Variants in WDR18 observed in about 807,000 individuals in gnomAD.
WDR18 encodes the protein WD repeat-containing protein 18.
Under a neutral mutation model 49.6 loss-of-function variants are expected in WDR18, and 33 were observed. The observed-to-expected ratio is 0.67, with a 90% CI of 0.50 to 0.89. The LOEUF is 0.89. Ranked by LOEUF, WDR18 falls within the 40% of genes least tolerant of loss-of-function variation. WDR18 has a pLI of 0.00. For synonymous variants in WDR18, 315 were observed against 263.6 expected (o/e 1.19, Z -1.89); for missense variants, 653 against 593.6 (o/e 1.10, Z -1.04).
chr19:988,788 CCG>C (rs1231523381), intron 2 of WDR18, among the ~76,000 whole-genome samples: 12 of 152,264 alleles, frequency 7.9e-5, no homozygotes, highest in Non-Finnish European at 1.5e-4. Flanking sequence ...GCCACCACTG[CCG>C]CGTGGAGCCC....
At position 987,829 on chromosome 19, in the gene WDR18, G is replaced by GTTTTGTTT. The variant is rs1340731704; in HGVS notation, c.321+1858_321+1859insGTTTTTTT. On this transcript the variant is annotated intron_variant, in intron 2 of 9. Transcript: ENST00000585809. Reference sequence around the variant, plus strand: ...ACCCCTGCTCCCCTAGCCGCCTCCAGTTTTTTTTTTTTTTTTTTTTTTTCA... The same window carrying GTTTTGTTT: ...ACCCCTGCTCCCCTAGCCGCCTCCAGTTTTGTTTTTTTTTTTTTTTTTTTTTTTTTTCA... Among the ~76,000 whole-genome samples the GTTTTGTTT allele has an allele frequency of 8.7e-5, 8 of 91,822 alleles. 1 individual carries two copies. Among genetic ancestry groups the GTTTTGTTT allele is most frequent in the African/African-American group, 3.7e-4 (7 of 18,910 alleles). 60.2% of individuals were successfully genotyped at this position (91,822 alleles called of 152,430 possible).
At chr19:990,173 C>G in intron 3 of WDR18, 50 bp from the exon 4 acceptor site, 1 of 1,553,124 alleles carries the variant, frequency 6.4e-7, no homozygotes, top group South Asian at 1.2e-5. Context: ...CGTGGACTGC[C>G]CTGTTCCCTC....
upstream of WDR18, among the ~76,000 whole-genome samples, chr19:983,223 G>A (rs1266077483): frequency 1.3e-5 from 2 of 152,182 alleles, no homozygotes; most frequent in Admixed American, 6.5e-5. Context: ...CCTAAGCCCA[G>A]GTGTTGGAGA....
chr19:994,459 CG>C lies in WDR18; in HGVS notation c.*116del. On this transcript the variant is annotated 3_prime_UTR_variant, in exon 10 of 10. Transcript: ENST00000585809. ...GCCTGGACTCTCCTCAGTTCTGTGT[CG>C]TGTTCGGGTTTTTCCTCTGTGACTG... 7.0e-7 allele frequency: 1 copy of C among 1,420,006 alleles called. No individual in the cohort carries two copies. The highest frequency in any genetic ancestry group is 9.3e-7 in the Non-Finnish European group (1 of 1,070,484). The allele number at this position is 1,420,006 out of a possible 1,614,324, so 88.0% of individuals were successfully genotyped here. A position where few individuals can be genotyped will look rare whatever the true frequency, so the allele number is the denominator to read the frequency against.
At chr19:992,220 G>T in intron 8 of WDR18, 99 bp downstream of exon 8, 1 of 1,348,650 alleles carries the variant, frequency 7.4e-7, no homozygotes. Flanking sequence ...CCCGTGCGGC[G>T]GTTCCCCACA....
intron 8 of WDR18, 98 bp downstream of exon 8, chr19:992,219 C>G: frequency 7.4e-7 from 1 of 1,346,194 alleles, no homozygotes; most frequent in Non-Finnish European, 9.6e-7. Context: ...GCCCGTGCGG[C>G]GGTTCCCCAC....
Position 991,951 on chromosome 19 carries a change from C to G in WDR18, c.932-4C>G, listed in dbSNP as rs550924397. Reference sequence around the variant, plus strand: ...GGGCGGGGCCTGACCTCCGCGCCCCCCAGGCCCAGTCACCAATGCCGCCAT... The same window carrying G: ...GGGCGGGGCCTGACCTCCGCGCCCCGCAGGCCCAGTCACCAATGCCGCCAT... On this transcript the variant is annotated splice_region_variant and splice_polypyrimidine_tract_variant and intron_variant, in intron 7 of 9. Coordinates refer to ENST00000585809, the MANE Select transcript of WDR18 (RefSeq NM_024100.4). 17 of 1,580,660 alleles carry G rather than the reference C, an allele frequency of 1.1e-5. No individual in the cohort carries two copies. The highest frequency in any genetic ancestry group is 1.0e-4 in the Admixed American group (6 of 58,200).
chr19:990,672 A>C, intron 4 of WDR18, 180 bp from the exon 5 acceptor site: 1 of 989,334 alleles, frequency 1.0e-6, no homozygotes, highest in Non-Finnish European at 1.4e-6. Context: ...ACCAAGCTCC[A>C]TTTCAGCACA....
In WDR18 at chr19:990,045, C is replaced by T. The variant is rs1305962210; in HGVS notation, c.455+150C>T. On this transcript the variant is annotated intron_variant, in intron 3 of 9. Coordinates refer to ENST00000585809, the MANE Select transcript of WDR18 (RefSeq NM_024100.4). ...TGATCATCCCAGGGGTCCTGGCTGCCCACACTGGGGTCTGGTTTGTTCTGG... is the reference window on the plus strand; with the variant it reads ...TGATCATCCCAGGGGTCCTGGCTGCTCACACTGGGGTCTGGTTTGTTCTGG... 4 of 1,403,110 alleles carry T rather than the reference C, an allele frequency of 2.9e-6. No individual in the cohort carries two copies. The African/African-American group carries it at 4.3e-5, about 15-fold the overall frequency. 86.9% of individuals were successfully genotyped at this position (1,403,110 alleles called of 1,614,324 possible). A position where few individuals can be genotyped will look rare whatever the true frequency, so the allele number is the denominator to read the frequency against.
intron 8 of WDR18, 46 bp downstream of exon 8, chr19:992,167 G>C: frequency 7.1e-7 from 1 of 1,403,186 alleles, no homozygotes; most frequent in Non-Finnish European, 9.2e-7. Context: ...TGTCCCGGAA[G>C]ACCCCGCGGG....
chr19:987,108 T>A (rs2038483129), intron 2 of WDR18, among the ~76,000 whole-genome samples: 1 of 152,144 alleles, frequency 6.6e-6, no homozygotes, highest in African/African-American at 2.4e-5. Context: ...TTTGGGAGGC[T>A]GAGACGGGCA....
chr19:994,068 C>G lies in WDR18; in HGVS notation c.1147C>G (p.Leu383Val). The change falls in exon 9 of 10, where the codon CTG (leucine) becomes GTG (valine). Residue 383 changes from leucine to valine, a missense_variant. By Grantham distance (32) the Leu-to-Val change is conservative. Transcript: ENST00000585809. ...LDRTEQLQAV[L>V]CSTMEKSVLG... is the part of the protein sequence containing the mutation. ...CCGCACGGAGCAGCTGCAGGCCGTC[C>G]TGTGCAGCACCATGGAGAAGGTGGG... 1.3e-6 allele frequency: 2 copies of G among 1,559,710 alleles called. No individual in the cohort carries two copies. Among genetic ancestry groups the G allele is most frequent in the Non-Finnish European group, 1.7e-6 (2 of 1,153,204 alleles).
At chr19:986,314 G>A (rs766820977) in intron 2 of WDR18, among the ~76,000 whole-genome samples, 13 of 152,188 alleles carry the variant, frequency 8.5e-5, no homozygotes, top group East Asian at 1.9e-4. Context: ...TATAAAGGGC[G>A]GCCGGGCGCA....
chr19:992,110 C>A lies in WDR18; in HGVS notation c.1087C>A (p.Leu363Ile). Residue 363 changes from leucine (L) to isoleucine (I), a missense_variant, in exon 8 of 10, where the codon CTC becomes ATC. Leu to Ile is a conservative substitution (Grantham distance 5, BLOSUM62 2). Coordinates refer to ENST00000585809, the MANE Select transcript of WDR18 (RefSeq NM_024100.4). ...RHGGLTLRLG[L>I]HQQGSEPSYL... Reference sequence around the variant, plus strand: ...CGGGGGCCTCACTCTGCGCCTGGGCCTCCACCAGCAGGTACGGCCCCCAGC... The same window carrying A: ...CGGGGGCCTCACTCTGCGCCTGGGCATCCACCAGCAGGTACGGCCCCCAGC... 6.7e-7 allele frequency: 1 copy of A among 1,492,674 alleles called. No homozygotes were observed. Among genetic ancestry groups the A allele is most frequent in the South Asian group, 1.3e-5 (1 of 76,562 alleles). The allele number at this position is 1,492,674 out of a possible 1,614,324, so 92.5% of individuals were successfully genotyped here. A position where few individuals can be genotyped will look rare whatever the true frequency, so the allele number is the denominator to read the frequency against.
rs2038605198 is a variant in WDR18, at chr19:994,417, G to A, written c.*73G>A. 6 of 1,531,326 alleles carry A rather than the reference G, an allele frequency of 3.9e-6. No individual in the cohort carries two copies. In the Admixed American group the frequency reaches 5.9e-5, roughly 15 times the overall value. 94.9% of individuals were successfully genotyped at this position (1,531,326 alleles called of 1,614,324 possible). On this transcript the variant is annotated 3_prime_UTR_variant, in exon 10 of 10. Transcript: ENST00000585809. ...CCCAGCAACCAGGGCCCGCGGGTGT[G>A]GCCCCCACCAGCCCAGGCCTGGACT...
rs1326083067 is a variant in WDR18 at position 992,081 on chromosome 19, G to A, written c.1058G>A (p.Arg353His). ...GGCGCCGAGCACGGGGACGAGCCGC[G>A]CCACGGGGGCCTCACTCTGCGCCTG... ...LLGAEHGDEP[R>H]HGGLTLRLGL... is the part of the protein sequence containing the mutation. The change falls in exon 8 of 10, where the codon CGC (arginine) becomes CAC (histidine). Residue 353 changes from arginine (R) to histidine (H), a missense_variant. By Grantham distance (29) the Arg-to-His change is conservative (BLOSUM62 0). Coordinates refer to ENST00000585809, the MANE Select transcript of WDR18 (RefSeq NM_024100.4). 5.8e-6 allele frequency: 9 copies of A among 1,550,094 alleles called. No individual in the cohort carries two copies. The South Asian group carries it at 8.3e-5, about 14-fold the overall frequency.
At chr19:992,185 C>A (rs2038568350) in intron 8 of WDR18, 64 bp downstream of exon 8, 2 of 1,387,260 alleles carry the variant, frequency 1.4e-6, no homozygotes, top group African/African-American at 1.5e-5. Context: ...GGGCCCTGGG[C>A]TCCTTCGCTC....
rs750161697 is a variant in WDR18 at position 985,949 on chromosome 19, G to A, written c.295G>A (p.Val99Ile). 6.2e-7 allele frequency: 1 copy of A among 1,613,788 alleles called. No individual in the cohort carries two copies. ...CAATGGTCTCTACGTCCTGGCAGGAGTTGCAGAAAGCATCCACCTGTGGGA... is the reference window on the plus strand; with the variant it reads ...CAATGGTCTCTACGTCCTGGCAGGAATTGCAGAAAGCATCCACCTGTGGGA... The part of the protein sequence containing the change: ...SPNGLYVLAG[V>I]AESIHLWEVS... Residue 99 changes from valine (V) to isoleucine (I), a missense_variant, in exon 2 of 10, where the codon GTT (valine) becomes ATT (isoleucine). By Grantham distance (29) the Val-to-Ile change is conservative. Coordinates refer to ENST00000585809, the MANE Select transcript of WDR18 (RefSeq NM_024100.4).
rs1239973738 is a variant in WDR18 at position 991,965 on chromosome 19, C to T, written c.942C>T (p.Thr314=). Residue 314 remains threonine (T), a synonymous_variant, in exon 8 of 10, where the codon ACC becomes ACT. Coordinates refer to ENST00000585809, the MANE Select transcript of WDR18 (RefSeq NM_024100.4). ...CTCCGCGCCCCCCAGGCCCAGTCACCAATGCCGCCATCCTGCTGGCGCCCG... is the reference window on the plus strand; with the variant it reads ...CTCCGCGCCCCCCAGGCCCAGTCACTAATGCCGCCATCCTGCTGGCGCCCG... The part of the protein sequence containing the change: ...IRTVALKGPV[T]NAAILLAPVS... 4 of 1,589,630 alleles carry T rather than the reference C, an allele frequency of 2.5e-6. No individual in the cohort carries two copies. The highest frequency in any genetic ancestry group is 3.4e-6 in the Non-Finnish European group (4 of 1,173,528).
Sources: allele counts gnomAD v4.1 joint callset (sites outside exome capture counted in the v4.1 genomes callset), GRCh38; gene constraint gnomAD v4.1.1; transcripts MANE v1.5; gene names NCBI Gene and HGNC (gene_info 2026-07-23, HGNC 2026-07-21).